Variants in AKAP12 observed in about 807,000 individuals in gnomAD.
AKAP12 encodes A-kinase anchoring protein 12.
A neutral mutation model predicts 79.9 loss-of-function variants in AKAP12; 32 were observed. That is an observed-to-expected ratio of 0.40 (90% CI 0.30 to 0.54). The LOEUF (loss-of-function observed/expected upper bound fraction) is 0.54, where lower values mean the gene tolerates loss of function less well. Ranked by LOEUF, AKAP12 falls within the 20% of genes least tolerant of loss-of-function variation. The pLI is 0.48. For synonymous variants in AKAP12, 808 were observed against 857.0 expected (o/e 0.94, Z 1.00); for missense variants, 2,074 against 2,177.0 (o/e 0.95, Z 0.94).
intron 3 of AKAP12, among the ~76,000 whole-genome samples, chr6:151,330,722 T>G (rs911812615): frequency 2.0e-5 from 3 of 152,178 alleles, no homozygotes; most frequent in Non-Finnish European, 4.4e-5. Flanking sequence ...AATCAACATA[T>G]TCCTTTAAAG....
intron 3 of AKAP12, among the ~76,000 whole-genome samples, chr6:151,310,203 A>G (rs1430719367): frequency 6.6e-6 from 1 of 152,042 alleles, no homozygotes; most frequent in Non-Finnish European, 1.5e-5. Context: ...TCTCTACTAA[A>G]AATACAAAAA....
chr6:151,292,729 G>T (rs1348802715), intron 2 of AKAP12, among the ~76,000 whole-genome samples: 1 of 152,240 alleles, frequency 6.6e-6, no homozygotes, highest in East Asian at 1.9e-4. Flanking sequence ...CTGTATTGCA[G>T]CTGTCAGCAT....
chr6:151,267,606 C>T (rs1343391678), intron 2 of AKAP12, among the ~76,000 whole-genome samples: 2 of 152,124 alleles, frequency 1.3e-5, no homozygotes, highest in Non-Finnish European at 2.9e-5. Context: ...CAATCCATTT[C>T]CTCTGACGAT....
chr6:151,351,657 A>T lies in AKAP12; in HGVS notation c.3266A>T (p.Glu1089Val). 6.2e-7 allele frequency: 1 copy of T among 1,614,174 alleles called. No individual in the cohort carries two copies. Among genetic ancestry groups the T allele is most frequent in the Non-Finnish European group, 8.5e-7 (1 of 1,180,038 alleles). The change falls in exon 4 of 5, where the codon GAG becomes GTG. Residue 1089 changes from glutamate (E) to valine (V), a missense_variant. Physicochemically the swap from Glu to Val is moderately radical, Grantham distance 121. Around this residue, in one of 3 missense-constraint regions of AKAP12, gnomAD observed 1,428 missense variants for 1,451.0 expected, o/e 0.98. Transcript: ENST00000402676. This position sits in a 1 kb window ranked among gnomAD's most constrained non-coding sequence, Gnocchi z 4.4. ...GCTGAAGCGTCGGGTCTGAAGAAAG[A>T]GACGGATGTAGTGTTGAAAGTAGAT... ...EQAEASGLKK[E>V]TDVVLKVDAQ... is the part of the protein sequence containing the mutation.
At chr6:151,268,848 T>C (rs1402596628) in intron 2 of AKAP12, among the ~76,000 whole-genome samples, 1 of 151,636 alleles carries the variant, frequency 6.6e-6, no homozygotes, top group African/African-American at 2.4e-5. Context: ...TTCACCATGA[T>C]GGCCAGGCTG....
chr6:151,307,636 A>C (rs79131721), intron 3 of AKAP12, among the ~76,000 whole-genome samples: 8 of 152,186 alleles, frequency 5.3e-5, no homozygotes, highest in Non-Finnish European at 1.2e-4. Flanking sequence ...ATTCTTTTTT[A>C]ATCTGTGGCA....
At chr6:151,282,057 C>G (rs1776420785) in intron 2 of AKAP12, among the ~76,000 whole-genome samples, 1 of 151,538 alleles carries the variant, frequency 6.6e-6, no homozygotes, top group African/African-American at 2.4e-5. Context: ...CTTCCCCCTC[C>G]TGTTCCCGCT....
intron 3 of AKAP12, among the ~76,000 whole-genome samples, chr6:151,321,903 GTTTT>G (rs11415941): frequency 1.5e-5 from 1 of 67,358 alleles, no homozygotes; most frequent in Non-Finnish European, 2.9e-5. Context: ...TCAGCTTTAT[GTTTT>G]TTTTTTTTTT....
chr6:151,277,240 A>G lies in AKAP12; in HGVS notation c.163-28507A>G, dbSNP rs964357383. Among the ~76,000 whole-genome samples, 4 of 152,220 alleles carry G rather than the reference A, an allele frequency of 2.6e-5. No individual in the cohort carries two copies. In the South Asian group the frequency reaches 8.3e-4, roughly 32 times the overall value. ...CTATTAATTAATGAGGTTGCAAGAT[A>G]CTTTTGTCAGTTATGAATGTCACGT... is the stretch of plus-strand genomic sequence containing the variant. On this transcript the variant is annotated intron_variant, in intron 2 of 4. Transcript: ENST00000402676.
chr6:151,289,851 T>TCTTA (rs1776576941), intron 2 of AKAP12, among the ~76,000 whole-genome samples: 1 of 152,160 alleles, frequency 6.6e-6, no homozygotes, highest in African/African-American at 2.4e-5. Context: ...TTAGCTTGGC[T>TCTTA]CTTAGCTCAT....
At chr6:151,303,885 G>A (rs1189418253) in intron 2 of AKAP12, among the ~76,000 whole-genome samples, 1 of 152,132 alleles carries the variant, frequency 6.6e-6, no homozygotes, top group Non-Finnish European at 1.5e-5. Context: ...CTATCTTTAT[G>A]TTGAGAGCCT....
At chr6:151,325,208 C>A (rs1777493457) in intron 3 of AKAP12, 1 of 985,390 alleles carries the variant, frequency 1.0e-6, no homozygotes, top group Non-Finnish European at 1.2e-6. Flanking sequence ...ATATCAAATG[C>A]TACAGATGCC....
At position 151,325,922 on chromosome 6, in the gene AKAP12, A is replaced by G. The variant is rs201895283; in HGVS notation, c.319+20019A>G. On this transcript the variant is annotated intron_variant, in intron 3 of 4. Coordinates refer to ENST00000402676, the MANE Select transcript of AKAP12 (RefSeq NM_005100.4). ...GCCAGGTCGCTTTTGTCCTCCCTGG[A>G]CGGCAGGCACGGGGCACGAAAAGGG... The G allele has an allele frequency of 1.8e-4, 298 of 1,614,172 alleles. 6 individuals are homozygous for G. In the South Asian group the frequency reaches 3.1e-3, roughly 17 times the overall value.
intron 3 of AKAP12, among the ~76,000 whole-genome samples, chr6:151,337,904 G>A (rs1265546304): frequency 2.0e-5 from 3 of 152,148 alleles, no homozygotes; most frequent in Non-Finnish European, 4.4e-5. Flanking sequence ...GGAGTTGGTG[G>A]CTCACACCTG....
intron 3 of AKAP12, among the ~76,000 whole-genome samples, chr6:151,342,319 G>GT (rs1777973329): frequency 6.6e-6 from 1 of 152,254 alleles, no homozygotes; most frequent in Admixed American, 6.5e-5. Flanking sequence ...AGCCCAGTGG[G>GT]TGGCCACACG....
chr6:151,297,535 T>G (rs1171757865), intron 2 of AKAP12, among the ~76,000 whole-genome samples: 2 of 147,338 alleles, frequency 1.4e-5, no homozygotes, highest in Admixed American at 6.9e-5. Flanking sequence ...ATCGTGCCAC[T>G]GTACTCCAGC....
In AKAP12 at chr6:151,357,580, C is replaced by T. The variant is rs973335683; in HGVS notation, c.*1866C>T. On this transcript the variant is annotated 3_prime_UTR_variant, in exon 5 of 5. Transcript: ENST00000402676. ...ATATTAGTAAAACACCTCATGATAG[C>T]AGTGTATATATAGTCTTGTTTGTAG... The T allele has an allele frequency of 6.6e-6, 1 of 151,988 alleles. No individual in the cohort carries two copies. Among genetic ancestry groups the T allele is most frequent in the African/African-American group, 2.4e-5 (1 of 41,388 alleles). The allele number at this position is 151,988 out of a possible 1,614,324, so 9.4% of individuals were successfully genotyped here.
chr6:151,334,722 C>A (rs1450660875), intron 3 of AKAP12, among the ~76,000 whole-genome samples: 1 of 151,444 alleles, frequency 6.6e-6, no homozygotes, highest in African/African-American at 2.4e-5. Flanking sequence ...CCCGGGTTCA[C>A]GCCATTCTCC....
chr6:151,326,013 C>T (rs1335701782), intron 3 of AKAP12: 1 of 1,278,236 alleles, frequency 7.8e-7, no homozygotes, highest in Non-Finnish European at 1.1e-6. Context: ...CCGTTATTGG[C>T]ATTTATTTCT....
Sources: gnomAD v4.1 joint callset for allele counts (sites outside exome capture counted in the v4.1 genomes callset) on GRCh38, gnomAD v4.1.1 for gene constraint, gnomAD v4.1.1 regional missense constraint, Gnocchi (gnomAD v3.1) non-coding constraint, MANE v1.5 for transcripts, NCBI Gene and HGNC (gene_info 2026-07-23, HGNC 2026-07-21) for gene names.